The following NR6A1 variants were observed in gnomAD, a reference collection of about 807,000 sequenced individuals.
NR6A1 encodes nuclear receptor subfamily 6 group A member 1.
NR6A1 carries 7 observed loss-of-function variants against 59.1 expected under a neutral mutation model. That is an observed-to-expected ratio of 0.12 (90% CI 0.07 to 0.22). NR6A1 has a LOEUF of 0.22. Among genes scored for constraint, NR6A1 ranks in the 10% least tolerant of loss-of-function variants. NR6A1 has a pLI of 1.00. For synonymous variants in NR6A1, 243 were observed against 236.1 expected, an observed-to-expected ratio of 1.03 and a Z score of -0.27; for missense variants, 468 against 611.6, an observed-to-expected ratio of 0.77 and a Z score of 2.48.
chr9:124,660,834 A>G lies in NR6A1; in HGVS notation c.142+72474T>C, dbSNP rs148489714. On this transcript the variant is annotated intron_variant, in intron 2 of 9. Coordinates refer to ENST00000487099, the MANE Select transcript of NR6A1 (RefSeq NM_033334.4). Reference sequence around the variant, plus strand: ...TGCCCTTGGCACAGTAAGAAATATCAAAAGCATCCAGAGTTGATTAGCTGT... The same window carrying G: ...TGCCCTTGGCACAGTAAGAAATATCGAAAGCATCCAGAGTTGATTAGCTGT... Among the ~76,000 whole-genome samples, 839 of 152,228 alleles carry G rather than the reference A, an allele frequency of 5.5e-3. 7 individuals are homozygous for G. The highest frequency in any genetic ancestry group is 0.019 in the African/African-American group (797 of 41,528).
intron 1 of NR6A1, among the ~76,000 whole-genome samples, chr9:124,745,608 T>G (rs1588848869): frequency 6.7e-6 from 1 of 149,212 alleles, no homozygotes; most frequent in African/African-American, 2.5e-5. Context: ...GAGGCAGAGG[T>G]TGCAGTGAGC....
chr9:124,697,245 G>C (rs190198971), intron 2 of NR6A1, among the ~76,000 whole-genome samples: 1 of 152,350 alleles, frequency 6.6e-6, no homozygotes, highest in African/African-American at 2.4e-5. Context: ...AAAGAAAAAG[G>C]TAACAAATAC....
intron 2 of NR6A1, among the ~76,000 whole-genome samples, chr9:124,693,072 G>A (rs2131025691): frequency 6.6e-6 from 1 of 152,214 alleles, no homozygotes; most frequent in Admixed American, 6.5e-5. Context: ...CCTTACTAGT[G>A]CCCACATATC....
intron 2 of NR6A1, among the ~76,000 whole-genome samples, chr9:124,727,366 A>G (rs1839752758): frequency 6.6e-6 from 1 of 152,354 alleles, no homozygotes; most frequent in East Asian, 1.9e-4. Context: ...ATTTTTTTAT[A>G]AAGTAGATAA....
At chr9:124,533,567 G>T (rs1305273691) in intron 7 of NR6A1, among the ~76,000 whole-genome samples, 1 of 152,176 alleles carries the variant, frequency 6.6e-6, no homozygotes, top group Non-Finnish European at 1.5e-5. Flanking sequence ...TGCCACAACT[G>T]GGTGGGAGGG....
At chr9:124,722,454 A>G (rs1016417992) in intron 2 of NR6A1, among the ~76,000 whole-genome samples, 1 of 152,348 alleles carries the variant, frequency 6.6e-6, no homozygotes, top group African/African-American at 2.4e-5. Flanking sequence ...AGAACATGTG[A>G]CAGAATACTG....
intron 2 of NR6A1, among the ~76,000 whole-genome samples, chr9:124,623,526 ATTT>A (rs60023969): frequency 1.4e-5 from 2 of 139,512 alleles, no homozygotes; most frequent in African/African-American, 2.6e-5. Context: ...TGCCTGGCTA[ATTT>A]TTTTTTTTTT....
intron 2 of NR6A1, among the ~76,000 whole-genome samples, chr9:124,589,377 C>T (rs1270564316): frequency 3.9e-5 from 6 of 152,140 alleles, no homozygotes; most frequent in South Asian, 4.1e-4. Flanking sequence ...ACCAAGGAGG[C>T]GGAGCTTGCA....
chr9:124,613,517 C>T (rs1835811604), intron 2 of NR6A1, among the ~76,000 whole-genome samples: 1 of 151,920 alleles, frequency 6.6e-6, no homozygotes, highest in South Asian at 2.1e-4. Flanking sequence ...AAAAATTAGC[C>T]AGGCATGGTG....
At chr9:124,528,341 A>C (rs939043517) in intron 7 of NR6A1, among the ~76,000 whole-genome samples, 5 of 152,188 alleles carry the variant, frequency 3.3e-5, no homozygotes, top group Non-Finnish European at 7.3e-5. Context: ...TCTGGGTTCC[A>C]CCAACTCCAT....
chr9:124,559,884 G>C (rs1406825266), intron 2 of NR6A1, among the ~76,000 whole-genome samples: 1 of 152,092 alleles, frequency 6.6e-6, no homozygotes, highest in Non-Finnish European at 1.5e-5. Context: ...TTAAAACAAA[G>C]TATCCAGAAC....
At chr9:124,545,393 T>C (rs1267584243) in intron 3 of NR6A1, among the ~76,000 whole-genome samples, 3 of 152,234 alleles carry the variant, frequency 2.0e-5, no homozygotes, top group South Asian at 2.1e-4. Context: ...AGAATCTTAA[T>C]ATTTTCATCT....
intron 2 of NR6A1, among the ~76,000 whole-genome samples, chr9:124,696,059 A>AG (rs1461577290): frequency 1.3e-5 from 2 of 152,248 alleles, no homozygotes; most frequent in Admixed American, 6.5e-5. Context: ...TGGCATGTAT[A>AG]GGGGACAGGA....
intron 2 of NR6A1, among the ~76,000 whole-genome samples, chr9:124,588,511 T>C (rs942746272): frequency 9.9e-5 from 15 of 151,154 alleles, no homozygotes; most frequent in African/African-American, 3.2e-4. Flanking sequence ...GGTTTCACCC[T>C]GTTAGCCAGG....
intron 2 of NR6A1, among the ~76,000 whole-genome samples, chr9:124,643,684 G>C (rs1365226974): frequency 6.8e-6 from 1 of 147,522 alleles, no homozygotes; most frequent in African/African-American, 2.5e-5. Flanking sequence ...AGGATTGCTT[G>C]AGCCCATGAG....
chr9:124,599,164 C>CG (rs1238455083), intron 2 of NR6A1: 1 of 579,730 alleles, frequency 1.7e-6, no homozygotes, highest in Non-Finnish European at 3.3e-6. Flanking sequence ...CCTCTTTGGC[C>CG]GGGGGCGGTG....
At chr9:124,657,018 A>T (rs1837279498) in intron 2 of NR6A1, among the ~76,000 whole-genome samples, 1 of 152,146 alleles carries the variant, frequency 6.6e-6, no homozygotes, top group Non-Finnish European at 1.5e-5. Context: ...TGCACTTAAC[A>T]CCACAGAACT....
chr9:124,551,443 G>A (rs1219618917), intron 3 of NR6A1, among the ~76,000 whole-genome samples: 2 of 152,034 alleles, frequency 1.3e-5, no homozygotes, highest in African/African-American at 4.8e-5. Flanking sequence ...GACTCTCATT[G>A]TCCACAATAT....
intron 2 of NR6A1, among the ~76,000 whole-genome samples, chr9:124,601,587 A>C (rs1192086765): frequency 6.7e-6 from 1 of 149,162 alleles, no homozygotes; most frequent in African/African-American, 2.4e-5. Flanking sequence ...CTGTGTCAAA[A>C]AAAAAAAAAA....
Sources: gnomAD v4.1 joint callset for allele counts (sites outside exome capture counted in the v4.1 genomes callset) on GRCh38, gnomAD v4.1.1 for gene constraint, MANE v1.5 for transcripts, NCBI Gene and HGNC (gene_info 2026-07-23, HGNC 2026-07-21) for gene names.